The following PRKAG2 variants were observed in gnomAD, a reference collection of about 807,000 sequenced individuals.
PRKAG2 encodes protein kinase AMP-activated non-catalytic subunit gamma 2, also known as 5'-AMP-activated protein kinase subunit gamma-2.
A neutral mutation model predicts 69.6 loss-of-function variants in PRKAG2; 26 were observed. The observed-to-expected ratio is 0.37, with a 90% CI of 0.27 to 0.52. The LOEUF is 0.52. Ranked by LOEUF, PRKAG2 falls within the 20% of genes least tolerant of loss-of-function variation. The probability of loss-of-function intolerance (pLI) is 0.90; values close to 1 mark genes in which losing one functional copy is unlikely to be tolerated. For missense variants in PRKAG2, 557 were observed against 740.0 expected (o/e 0.75, Z 2.87); for synonymous variants, 293 against 285.0 (o/e 1.03, Z -0.28).
At chr7:151,770,082 C>T (rs557876747) in intron 3 of PRKAG2, among the ~76,000 whole-genome samples, 3 of 152,322 alleles carry the variant, frequency 2.0e-5, no homozygotes, top group African/African-American at 4.8e-5. Flanking sequence ...AGGCTTCCTT[C>T]CCCAAGGGTT....
At chr7:151,615,218 TA>T (rs1819811673) in intron 5 of PRKAG2, among the ~76,000 whole-genome samples, 1 of 152,246 alleles carries the variant, frequency 6.6e-6, no homozygotes, top group African/African-American at 2.4e-5. Flanking sequence ...CATTCTTTTT[TA>T]TGCCTATATA....
At chr7:151,862,672 T>G (rs770290966) in intron 1 of PRKAG2, among the ~76,000 whole-genome samples, 1 of 152,322 alleles carries the variant, frequency 6.6e-6, no homozygotes, top group South Asian at 2.1e-4. Flanking sequence ...GGCTGGATAC[T>G]TCGAAAGAAA....
In PRKAG2 at chr7:151,756,044, T is replaced by G. The variant is rs1042345574; in HGVS notation, c.466+25108A>C. Among the ~76,000 whole-genome samples, 28 of 152,092 alleles carry G rather than the reference T, an allele frequency of 1.8e-4. No individual in the cohort carries two copies. Among genetic ancestry groups the G allele is most frequent in the African/African-American group, 6.8e-4 (28 of 41,394 alleles). On this transcript the variant is annotated intron_variant, in intron 3 of 15. Coordinates refer to ENST00000287878, the MANE Select transcript of PRKAG2 (RefSeq NM_016203.4). The surrounding 1 kb of genome is among the most constrained non-coding windows in gnomAD (Gnocchi z 4.9). ...AATACTTCCACTGCCCTCTCCCGCCTCCTCTCCCATCCCCCATTGGTCTCC... is the reference window on the plus strand; with the variant it reads ...AATACTTCCACTGCCCTCTCCCGCCGCCTCTCCCATCCCCCATTGGTCTCC...
Position 151,814,664 on chromosome 7 carries a change from G to A in PRKAG2, c.115-28123C>T. ...CATGTCTGCAACAGATGGGGACCGGGGCTGGGTGTGTTCCCAGTCCCCAAG... is the reference window on the plus strand; with the variant it reads ...CATGTCTGCAACAGATGGGGACCGGAGCTGGGTGTGTTCCCAGTCCCCAAG... On this transcript the variant is annotated intron_variant, in intron 1 of 15. Transcript: ENST00000287878. This position sits in a 1 kb window ranked among gnomAD's most constrained non-coding sequence, Gnocchi z 4.8. 1 of 1,231,820 alleles carries A rather than the reference G, an allele frequency of 8.1e-7. No homozygotes were observed. Among genetic ancestry groups the A allele is most frequent in the Non-Finnish European group, 1.0e-6 (1 of 988,006 alleles). 76.3% of individuals were successfully genotyped at this position (1,231,820 alleles called of 1,614,324 possible). A position where few individuals can be genotyped will look rare whatever the true frequency, so the allele number is the denominator to read the frequency against.
chr7:151,876,736 C>T lies in PRKAG2; in HGVS notation c.-116G>A, dbSNP rs1014387296. 4.1e-6 allele frequency: 4 copies of T among 977,888 alleles called. No homozygotes were observed. The African/African-American group carries it at 6.4e-5, about 16-fold the overall frequency. 60.6% of individuals were successfully genotyped at this position (977,888 alleles called of 1,614,324 possible). ...GCGCTCTGTTACACCCTGAAGCCAC[C>T]TCGTGGGGACTTCCGCGGAGAGGGA... On this transcript the variant is annotated 5_prime_UTR_variant, in exon 1 of 16. Transcript: ENST00000287878.
intron 4 of PRKAG2, among the ~76,000 whole-genome samples, chr7:151,671,781 G>A (rs190803627): frequency 6.6e-6 from 1 of 152,358 alleles, no homozygotes; most frequent in Admixed American, 6.5e-5. Context: ...GGTGAAGGCA[G>A]CCCTTGCTGG....
intron 3 of PRKAG2, among the ~76,000 whole-genome samples, chr7:151,751,001 T>C (rs959839950): frequency 5.9e-5 from 9 of 152,222 alleles, no homozygotes; most frequent in Non-Finnish European, 1.3e-4. Context: ...GGATTTCTAA[T>C]GATGACTAAG....
chr7:151,795,296 G>C (rs1051644359), intron 1 of PRKAG2, among the ~76,000 whole-genome samples: 1 of 152,194 alleles, frequency 6.6e-6, no homozygotes, highest in African/African-American at 2.4e-5. Flanking sequence ...GTTGGGGGGC[G>C]CATTTGCATG....
chr7:151,707,283 G>A (rs751162503), intron 3 of PRKAG2, among the ~76,000 whole-genome samples: 3 of 152,230 alleles, frequency 2.0e-5, no homozygotes, highest in Non-Finnish European at 4.4e-5. Context: ...TTCAACAGGT[G>A]AGCAGGGGAC....
chr7:151,716,135 T>C (rs1796151777), intron 3 of PRKAG2, among the ~76,000 whole-genome samples: 1 of 152,166 alleles, frequency 6.6e-6, no homozygotes, highest in Non-Finnish European at 1.5e-5. Context: ...ATTTGCCTAA[T>C]ACAAGTTTAA....
At chr7:151,783,733 A>G (rs2076850469) in intron 2 of PRKAG2, among the ~76,000 whole-genome samples, 1 of 151,688 alleles carries the variant, frequency 6.6e-6, no homozygotes. Context: ...CAACATGGCA[A>G]AACCCTGTCT....
chr7:151,791,053 T>C (rs552417452), intron 1 of PRKAG2, among the ~76,000 whole-genome samples: 1 of 152,292 alleles, frequency 6.6e-6, no homozygotes, highest in African/African-American at 2.4e-5. Context: ...GCCTGCTGCG[T>C]GGCTGCTGGA....
intron 1 of PRKAG2, among the ~76,000 whole-genome samples, chr7:151,834,864 GTC>G (rs1420744336): frequency 6.6e-6 from 1 of 152,212 alleles, no homozygotes; most frequent in African/African-American, 2.4e-5. Context: ...GCAGGGCTGG[GTC>G]TCTCTGAGGC....
intron 3 of PRKAG2, among the ~76,000 whole-genome samples, chr7:151,691,926 T>C (rs569549406): frequency 5.9e-5 from 9 of 152,322 alleles, no homozygotes; most frequent in African/African-American, 2.2e-4. Flanking sequence ...GGTGAATTAA[T>C]AAACTGGTAC....
intron 1 of PRKAG2, among the ~76,000 whole-genome samples, chr7:151,831,768 TGCTGTGTCCCAGGCAGGA>T (rs1400177762): frequency 6.6e-6 from 1 of 152,036 alleles, no homozygotes; most frequent in Non-Finnish European, 1.5e-5. Flanking sequence ...GCCCGACAGG[TGCTGTGTCCCAGGCAGGA>T]GCTGTGTCCC....
rs1357900648 is a variant in PRKAG2, at chr7:151,771,040, T to A, written c.466+10112A>T. Reference sequence around the variant, plus strand: ...TTGCAGAAATTATGCCAAAGCATGATCAAATTATCTGCCCACAATGTATAG... The same window carrying A: ...TTGCAGAAATTATGCCAAAGCATGAACAAATTATCTGCCCACAATGTATAG... On this transcript the variant is annotated intron_variant, in intron 3 of 15. Coordinates refer to ENST00000287878, the MANE Select transcript of PRKAG2 (RefSeq NM_016203.4). This position sits in a 1 kb window ranked among gnomAD's most constrained non-coding sequence, Gnocchi z 4.0. Among the ~76,000 whole-genome samples, 1 of 152,194 alleles carries A rather than the reference T, an allele frequency of 6.6e-6. No homozygotes were observed. Among genetic ancestry groups the A allele is most frequent in the Non-Finnish European group, 1.5e-5 (1 of 68,034 alleles).
At chr7:151,593,821 GA>G (rs1813797532) in intron 6 of PRKAG2, among the ~76,000 whole-genome samples, 1 of 152,168 alleles carries the variant, frequency 6.6e-6, no homozygotes, top group African/African-American at 2.4e-5. Flanking sequence ...ACTCAGCAAA[GA>G]ACATAAAGCC....
rs1554530665 is a variant in PRKAG2 at position 151,675,482 on chromosome 7, A to T, written c.622T>A (p.Ser208Thr). Reference sequence around the variant, plus strand: ...GGAGGCCTGGTCGGGCTCTGGAAGGAAGACGGGCAGAACCTCTGCCCTGTG... The same window carrying T: ...GGAGGCCTGGTCGGGCTCTGGAAGGTAGACGGGCAGAACCTCTGCCCTGTG... Reference protein sequence around the residue: ...PDTGQRFCPSSFQSPTRPPLA... With the variant: ...PDTGQRFCPSTFQSPTRPPLA... Residue 208 changes from serine (S) to threonine (T), a missense_variant, in exon 4 of 16, where the codon TCC (serine) becomes ACC (threonine). Physicochemically the swap from Ser to Thr is moderately conservative, Grantham distance 58. This residue lies in a region of PRKAG2 where 352 missense variants were observed against 356.7 expected (regional missense o/e 0.99). Coordinates refer to ENST00000287878, the MANE Select transcript of PRKAG2 (RefSeq NM_016203.4). 1.9e-6 allele frequency: 3 copies of T among 1,614,148 alleles called. No individual in the cohort carries two copies. Among genetic ancestry groups the T allele is most frequent in the Non-Finnish European group, 2.5e-6 (3 of 1,180,026 alleles).
rs191076733 is a variant in PRKAG2, at chr7:151,666,443, C to T, written c.684+8977G>A. Among the ~76,000 whole-genome samples the T allele has an allele frequency of 4.1e-4, 63 of 152,332 alleles. 1 individual carries two copies. The highest frequency in any genetic ancestry group is 7.5e-4 in the Non-Finnish European group (51 of 68,024). ...ATCTTGGACTTCCAGCCTCCAGAAC[C>T]GTGACACATCAACTTCTGTTGTTTA... On this transcript the variant is annotated intron_variant, in intron 4 of 15. Coordinates refer to ENST00000287878, the MANE Select transcript of PRKAG2 (RefSeq NM_016203.4).
Sources: gnomAD v4.1 joint callset for allele counts (sites outside exome capture counted in the v4.1 genomes callset) on GRCh38, gnomAD v4.1.1 for gene constraint, gnomAD v4.1.1 regional missense constraint, Gnocchi (gnomAD v3.1) non-coding constraint, MANE v1.5 for transcripts, NCBI Gene and HGNC (gene_info 2026-07-23, HGNC 2026-07-21) for gene names.